GLRA3: variants seen among roughly 807,000 people sequenced by gnomAD.
GLRA3 encodes the protein glycine receptor subunit alpha-3.
GLRA3 carries 44 observed loss-of-function variants against 60.4 expected under a neutral mutation model. That is an observed-to-expected ratio of 0.73 (90% CI 0.57 to 0.94). GLRA3 has a LOEUF of 0.94. Ranked by LOEUF, GLRA3 falls within the 40% of genes least tolerant of loss-of-function variation. The pLI, the probability that GLRA3 is intolerant of heterozygous loss-of-function variation, is 0.00. For synonymous variants in GLRA3, 223 were observed against 192.9 expected, an observed-to-expected ratio of 1.16 and a Z score of -1.29; for missense variants, 508 against 564.6, an observed-to-expected ratio of 0.90 and a Z score of 1.02.
In GLRA3 at chr4:174,767,500, G is replaced by C. The variant is rs138773901; in HGVS notation, c.200-470C>G. ...CTCCAATCCAAAGTTTGTTGTTGCT[G>C]GTTTTTCTTGCAGTTGTTGTTTGTT... On this transcript the variant is annotated intron_variant, in intron 2 of 9. Transcript: ENST00000274093. Among the ~76,000 whole-genome samples, 862 of 152,134 alleles carry C rather than the reference G, an allele frequency of 5.7e-3. 6 individuals carry two copies. Among genetic ancestry groups the C allele is most frequent in the Middle Eastern group, 0.017 (5 of 294 alleles).
intron 5 of GLRA3, among the ~76,000 whole-genome samples, chr4:174,708,630 G>A (rs186288473): frequency 9.1e-5 from 12 of 131,200 alleles, no homozygotes; most frequent in African/African-American, 2.6e-4. Context: ...ATGGAGTTTC[G>A]CTCTTGTTGC....
intron 1 of GLRA3, among the ~76,000 whole-genome samples, chr4:174,807,295 A>G (rs1026974171): frequency 1.3e-5 from 2 of 152,092 alleles, no homozygotes; most frequent in African/African-American, 4.8e-5. Flanking sequence ...ACATTCAAAA[A>G]TAGTTCAAGA....
At chr4:174,771,753 G>C (rs1244532563) in intron 2 of GLRA3, among the ~76,000 whole-genome samples, 3 of 152,218 alleles carry the variant, frequency 2.0e-5, no homozygotes, top group East Asian at 1.9e-4. Flanking sequence ...GAAAGGGAAG[G>C]GGTCTTTATT....
At chr4:174,691,732 C>T (rs554087870) in intron 5 of GLRA3, among the ~76,000 whole-genome samples, 2,702 of 152,222 alleles carry the variant, frequency 0.018, 103 homozygotes, top group African/African-American at 0.062. Context: ...GGCGTGATCT[C>T]GGCTCGCTAC....
intron 3 of GLRA3, among the ~76,000 whole-genome samples, chr4:174,763,265 A>G (rs1042145547): frequency 6.6e-6 from 1 of 152,134 alleles, no homozygotes; most frequent in African/African-American, 2.4e-5. Flanking sequence ...TTACCTAGTA[A>G]CTGCTTCCAT....
chr4:174,697,130 A>G (rs1735090840), intron 5 of GLRA3, among the ~76,000 whole-genome samples: 1 of 152,220 alleles, frequency 6.6e-6, no homozygotes. Context: ...AAATATATAA[A>G]AGAAGCACTT....
chr4:174,659,208 G>T lies in GLRA3; in HGVS notation c.928-11C>A. The T allele has an allele frequency of 1.3e-6, 2 of 1,599,972 alleles. No homozygotes were observed. The highest frequency in any genetic ancestry group is 1.1e-5 in the South Asian group (1 of 88,628). Reference sequence around the variant, plus strand: ...TTTGACATATGAAACCTAGCCAAGAGAGAAAGAGAAAGCAAGCAAATTCAC... The same window carrying T: ...TTTGACATATGAAACCTAGCCAAGATAGAAAGAGAAAGCAAGCAAATTCAC... On this transcript the variant is annotated splice_polypyrimidine_tract_variant and intron_variant, in intron 7 of 9. Transcript: ENST00000274093.
chr4:174,723,631 C>T (rs1487071435), intron 4 of GLRA3, among the ~76,000 whole-genome samples: 1 of 151,834 alleles, frequency 6.6e-6, no homozygotes, highest in East Asian at 1.9e-4. Flanking sequence ...CCTATGCAAC[C>T]CCAAATCTGT....
chr4:174,704,740 A>C (rs1735454605), intron 5 of GLRA3, among the ~76,000 whole-genome samples: 1 of 143,920 alleles, frequency 6.9e-6, no homozygotes. Context: ...ATATACATAC[A>C]ATGGAACATT....
At chr4:174,777,022 A>T (rs1290818362) in intron 2 of GLRA3, among the ~76,000 whole-genome samples, 1 of 152,174 alleles carries the variant, frequency 6.6e-6, no homozygotes, top group Non-Finnish European at 1.5e-5. Flanking sequence ...AGAGAAGGGG[A>T]TGAGGGCAAT....
chr4:174,771,445 T>G (rs1738381817), intron 2 of GLRA3, among the ~76,000 whole-genome samples: 1 of 151,986 alleles, frequency 6.6e-6, no homozygotes, highest in Non-Finnish European at 1.5e-5. Flanking sequence ...ACTCCTACTA[T>G]TTTCTTTTTT....
At chr4:174,716,274 T>C (rs965103487) in intron 4 of GLRA3, among the ~76,000 whole-genome samples, 3 of 152,210 alleles carry the variant, frequency 2.0e-5, no homozygotes, top group Non-Finnish European at 2.9e-5. Flanking sequence ...TCTGATTCTA[T>C]GCTCATCAAA....
chr4:174,771,473 A>G (rs965235561), intron 2 of GLRA3, among the ~76,000 whole-genome samples: 3 of 151,998 alleles, frequency 2.0e-5, no homozygotes, highest in African/African-American at 7.2e-5. Flanking sequence ...TGGAATAGCA[A>G]TATGAATCTG....
chr4:174,695,798 T>C (rs1025752136), intron 5 of GLRA3, among the ~76,000 whole-genome samples: 3 of 152,062 alleles, frequency 2.0e-5, no homozygotes, highest in African/African-American at 7.2e-5. Context: ...GATGTCAAAC[T>C]ACCTCTGTTT....
intron 8 of GLRA3, 57 bp from the exon 9 acceptor site, chr4:174,656,844 T>C (rs969734678): frequency 5.5e-6 from 5 of 915,270 alleles, no homozygotes; most frequent in Non-Finnish European, 9.1e-6. Flanking sequence ...TCAATTCATA[T>C]ATGATTAAAT....
Position 174,675,606 on chromosome 4 carries a change from G to C in GLRA3, c.927+1472C>G, listed in dbSNP as rs148194689. 8.4e-3 allele frequency among the ~76,000 whole-genome samples: 1,280 copies of C among 152,094 alleles called. 20 individuals are homozygous for C. Among genetic ancestry groups the C allele is most frequent in the African/African-American group, 0.03 (1,226 of 41,506 alleles). On this transcript the variant is annotated intron_variant, in intron 7 of 9. Coordinates refer to ENST00000274093, the MANE Select transcript of GLRA3 (RefSeq NM_006529.4). Reference sequence around the variant, plus strand: ...ACTATGAAATTTCCACTATTACCCAGAGCTCTTGCAACGTTTATCCTTACG... The same window carrying C: ...ACTATGAAATTTCCACTATTACCCACAGCTCTTGCAACGTTTATCCTTACG...
At chr4:174,709,850 G>GTTATT (rs1178312747) in intron 5 of GLRA3, among the ~76,000 whole-genome samples, 9 of 152,056 alleles carry the variant, frequency 5.9e-5, no homozygotes, top group Admixed American at 4.6e-4. Context: ...CTTTAGTGCA[G>GTTATT]TTATTTTATT....
intron 3 of GLRA3, among the ~76,000 whole-genome samples, chr4:174,763,853 T>C (rs1738033930): frequency 6.6e-6 from 1 of 152,190 alleles, no homozygotes; most frequent in African/African-American, 2.4e-5. Context: ...CCAGTAGTTG[T>C]TAAATCATTA....
intron 4 of GLRA3, among the ~76,000 whole-genome samples, chr4:174,724,116 C>A (rs1736230090): frequency 6.6e-6 from 1 of 150,620 alleles, no homozygotes; most frequent in African/African-American, 2.4e-5. Context: ...AAACATTTTT[C>A]TTGAACTGAA....
Sources: gnomAD v4.1 joint callset for allele counts (sites outside exome capture counted in the v4.1 genomes callset) on GRCh38, gnomAD v4.1.1 for gene constraint, MANE v1.5 for transcripts, NCBI Gene and HGNC (gene_info 2026-07-23, HGNC 2026-07-21) for gene names.